ZNF362: variants seen among roughly 807,000 people sequenced by gnomAD.
The protein encoded by ZNF362 is zinc finger protein 362.
A neutral mutation model predicts 42.9 loss-of-function variants in ZNF362; 11 were observed. The observed-to-expected ratio is 0.26, with a 90% CI of 0.16 to 0.42. The LOEUF (loss-of-function observed/expected upper bound fraction) is 0.42, where lower values mean the gene tolerates loss of function less well. ZNF362 is among the 20% of genes least tolerant of loss of function. The pLI is 1.00. For synonymous variants in ZNF362, 255 were observed against 257.3 expected (o/e 0.99, Z 0.09); for missense variants, 362 against 576.2 (o/e 0.63, Z 3.81).
At chr1:33,158,829 GT>G in the ZNF362 span, among the ~76,000 whole-genome samples, 1 of 151,444 alleles carries the variant, frequency 6.6e-6, no homozygotes, top group Non-Finnish European at 1.5e-5. Context: ...CAGAGCCTCA[GT>G]TTTTTTCTTT....
chr1:33,257,845 C>T (rs541639791), intron 1 of ZNF362, among the ~76,000 whole-genome samples: 1 of 152,242 alleles, frequency 6.6e-6, no homozygotes, highest in African/African-American at 2.4e-5. Flanking sequence ...GGCCAGGACC[C>T]CCCGTGTAGG....
chr1:33,207,894 A>AATCCAGTCCCAGGTATTTC, the ZNF362 span, among the ~76,000 whole-genome samples: 2 of 151,916 alleles, frequency 1.3e-5, no homozygotes, highest in African/African-American at 4.8e-5. Flanking sequence ...CATTCTGTAG[A>AATCCAGTCCCAGGTATTTC]TTGCCTGTTC....
the ZNF362 span, among the ~76,000 whole-genome samples, chr1:33,192,595 A>C: frequency 6.6e-6 from 1 of 152,220 alleles, no homozygotes; most frequent in African/African-American, 2.4e-5. Flanking sequence ...TTTAGCAGGG[A>C]GACTCTGGGA....
At chr1:33,252,142 C>T (rs6681653), upstream of ZNF362, among the ~76,000 whole-genome samples, 4,507 of 152,246 alleles carry the variant, frequency 0.03, 210 homozygotes, top group African/African-American at 0.1. Flanking sequence ...CACCTGAGGT[C>T]GGGAGTTTGA....
the ZNF362 span, among the ~76,000 whole-genome samples, chr1:33,161,069 G>A: frequency 6.6e-6 from 1 of 152,260 alleles, no homozygotes; most frequent in African/African-American, 2.4e-5. The surrounding 1 kb of genome is among the most constrained non-coding windows in gnomAD (Gnocchi z 4.3). Context: ...GTGAACCTTA[G>A]TTTTCTTATC....
At chr1:33,255,951 C>G (rs1024169436), upstream of ZNF362, among the ~76,000 whole-genome samples, 1 of 151,800 alleles carries the variant, frequency 6.6e-6, no homozygotes, top group African/African-American at 2.4e-5. Flanking sequence ...CTGCCATCAC[C>G]CAGGAGTGGG....
rs1646147383 is a variant in ZNF362 at position 33,299,186 on chromosome 1, G to A, written c.*140G>A. ...CCCAATCTTCCAGAAAGCTTGGTCCGCAGAAGCCCTGCCTGGTCCAGTCCG... is the reference window on the plus strand; with the variant it reads ...CCCAATCTTCCAGAAAGCTTGGTCCACAGAAGCCCTGCCTGGTCCAGTCCG... On this transcript the variant is annotated 3_prime_UTR_variant, in exon 9 of 9. Coordinates refer to ENST00000539719, the MANE Select transcript of ZNF362 (RefSeq NM_152493.3). 1.0e-5 allele frequency: 7 copies of A among 671,716 alleles called. No individual in the cohort carries two copies. Among genetic ancestry groups the A allele is most frequent in the South Asian group, 5.3e-5 (3 of 56,810 alleles). 41.6% of individuals were successfully genotyped at this position (671,716 alleles called of 1,614,324 possible).
At chr1:33,237,953 G>A in the ZNF362 span, among the ~76,000 whole-genome samples, 1 of 152,188 alleles carries the variant, frequency 6.6e-6, no homozygotes, top group Non-Finnish European at 1.5e-5. Context: ...ACACAGGATT[G>A]ATAGTTGTGA....
intron 2 of ZNF362, among the ~76,000 whole-genome samples, chr1:33,271,837 T>C (rs1347155576): frequency 1.3e-5 from 2 of 152,082 alleles, no homozygotes; most frequent in South Asian, 4.1e-4. Context: ...GATGGGGATG[T>C]CCCGCTGTGA....
chr1:33,270,336 C>G (rs1238928139), intron 1 of ZNF362, among the ~76,000 whole-genome samples, 151 bp from the exon 2 acceptor site: 1 of 152,198 alleles, frequency 6.6e-6, no homozygotes, highest in East Asian at 1.9e-4. Flanking sequence ...TGGTCAATCT[C>G]TCTGTGCTGC....
intron 1 of ZNF362, among the ~76,000 whole-genome samples, chr1:33,260,264 A>G (rs1039302025): frequency 6.6e-6 from 1 of 152,232 alleles, no homozygotes; most frequent in African/African-American, 2.4e-5. Context: ...CTGGGCCTAC[A>G]AGGCCCTTAA....
intron 1 of ZNF362, among the ~76,000 whole-genome samples, chr1:33,258,673 C>T (rs1645809971): frequency 6.6e-6 from 1 of 152,136 alleles, no homozygotes; most frequent in Admixed American, 6.5e-5. Flanking sequence ...CCTGGAAGAT[C>T]CGTTTTGAAC....
At chr1:33,171,763 T>A in the ZNF362 span, among the ~76,000 whole-genome samples, 1 of 152,164 alleles carries the variant, frequency 6.6e-6, no homozygotes, top group Non-Finnish European at 1.5e-5. Context: ...TTTCCAAATC[T>A]GTAAAGTAAG....
the ZNF362 span, among the ~76,000 whole-genome samples, chr1:33,191,539 C>T: frequency 2.0e-5 from 3 of 151,768 alleles, no homozygotes; most frequent in African/African-American, 4.8e-5. Flanking sequence ...GATGGAGTCT[C>T]GCTGTGTCCC....
At chr1:33,136,201 C>T in the ZNF362 span, among the ~76,000 whole-genome samples, 2 of 144,370 alleles carry the variant, frequency 1.4e-5, no homozygotes, top group Admixed American at 7.0e-5. Flanking sequence ...CCTCCATTCT[C>T]CCTTTCTCCC....
intron 4 of ZNF362, among the ~76,000 whole-genome samples, chr1:33,278,305 T>G (rs565750565): frequency 5.3e-5 from 8 of 152,186 alleles, no homozygotes; most frequent in Non-Finnish European, 8.8e-5. Context: ...CCCATGATTT[T>G]AACTTGCTTT....
the ZNF362 span, among the ~76,000 whole-genome samples, chr1:33,187,412 C>T: frequency 1.3e-5 from 2 of 152,154 alleles, no homozygotes; most frequent in African/African-American, 2.4e-5. Context: ...TCTGTCACTG[C>T]TTCTTTGGGT....
the ZNF362 span, among the ~76,000 whole-genome samples, chr1:33,138,207 G>A: frequency 6.6e-6 from 1 of 152,148 alleles, no homozygotes; most frequent in African/African-American, 2.4e-5. Flanking sequence ...CTCAGAATGG[G>A]GGTTAGGAAA....
At chr1:33,216,599 CAAAAAA>C in the ZNF362 span, among the ~76,000 whole-genome samples, 2 of 71,886 alleles carry the variant, frequency 2.8e-5, no homozygotes, top group East Asian at 4.0e-4. Flanking sequence ...GACTCTGTCT[CAAAAAA>C]AAAAAAAAAA....
Sources: gnomAD v4.1 joint callset for allele counts (sites outside exome capture counted in the v4.1 genomes callset) on GRCh38, gnomAD v4.1.1 for gene constraint, Gnocchi (gnomAD v3.1) non-coding constraint, MANE v1.5 for transcripts, NCBI Gene and HGNC (gene_info 2026-07-23, HGNC 2026-07-21) for gene names.